Variants in NBAS observed in about 807,000 individuals in gnomAD.
NBAS encodes the protein NAG/BC035112 fusion.
Under a neutral mutation model 302.5 loss-of-function variants are expected in NBAS, and 219 were observed. That is an observed-to-expected ratio of 0.72 (90% CI 0.65 to 0.81). The LOEUF (loss-of-function observed/expected upper bound fraction) is 0.81. Ranked by LOEUF, NBAS falls within the 30% of genes least tolerant of loss-of-function variation. The probability of loss-of-function intolerance (pLI) is 0.00; values close to 1 mark genes in which losing one functional copy is unlikely to be tolerated. For missense variants in NBAS, 2,932 were observed against 2,841.6 expected (o/e 1.03, Z -0.72); for synonymous variants, 1,118 against 1,021.6 (o/e 1.09, Z -1.80).
At chr2:14,881,309 G>C in the NBAS span, among the ~76,000 whole-genome samples, 1 of 152,030 alleles carries the variant, frequency 6.6e-6, no homozygotes, top group Middle Eastern at 3.2e-3. Context: ...CTTAACTATG[G>C]GTACACATAG....
At chr2:15,133,547 T>C in the NBAS span, among the ~76,000 whole-genome samples, 1 of 152,070 alleles carries the variant, frequency 6.6e-6, no homozygotes, top group African/African-American at 2.4e-5. Context: ...TCCAGTAGCT[T>C]TGGAAGATAA....
the NBAS span, among the ~76,000 whole-genome samples, chr2:15,068,958 G>A: frequency 1.3e-5 from 2 of 152,136 alleles, no homozygotes; most frequent in Non-Finnish European, 1.5e-5. Context: ...ACAGAGTCCC[G>A]AGGCAGCGCA....
the NBAS span, among the ~76,000 whole-genome samples, chr2:14,780,887 T>A: frequency 1.3e-5 from 2 of 152,204 alleles, no homozygotes; most frequent in Non-Finnish European, 1.5e-5. Context: ...GGTCACAAAT[T>A]TTTATTTGCA....
intron 35 of NBAS, among the ~76,000 whole-genome samples, chr2:15,333,563 G>A (rs563276290): frequency 6.6e-6 from 1 of 152,206 alleles, no homozygotes; most frequent in African/African-American, 2.4e-5. Context: ...TTGAGGTAGT[G>A]ACACTGGAAA....
chr2:15,396,380 A>G (rs367978552), intron 27 of NBAS, 33 bp downstream of exon 27: 80 of 1,548,546 alleles, frequency 5.2e-5, no homozygotes, highest in Non-Finnish European at 6.4e-5. Flanking sequence ...CTTAATAAGC[A>G]TGGAGAAAAA....
At chr2:14,864,917 A>C in the NBAS span, among the ~76,000 whole-genome samples, 1 of 152,306 alleles carries the variant, frequency 6.6e-6, no homozygotes, top group South Asian at 2.1e-4. Context: ...ATAGTGTACA[A>C]TTGTTGTCAT....
chr2:15,468,768 G>T (rs573674631), intron 16 of NBAS, among the ~76,000 whole-genome samples: 115 of 152,304 alleles, frequency 7.6e-4, no homozygotes, highest in African/African-American at 2.7e-3. Context: ...AATGAGCTAC[G>T]CAGAAACAGA....
intron 35 of NBAS, among the ~76,000 whole-genome samples, chr2:15,351,390 C>T (rs573728903): frequency 3.3e-5 from 5 of 152,046 alleles, no homozygotes; most frequent in African/African-American, 9.7e-5. Context: ...GAATGAAATA[C>T]GGAAGGCCAG....
the NBAS span, among the ~76,000 whole-genome samples, chr2:14,791,179 C>T: frequency 1.3e-5 from 2 of 151,898 alleles, no homozygotes; most frequent in East Asian, 3.9e-4. Flanking sequence ...TCAGTAGAGA[C>T]AGTGTTTCTC....
chr2:15,067,502 AGT>A, the NBAS span, among the ~76,000 whole-genome samples: 1 of 148,256 alleles, frequency 6.7e-6, no homozygotes, highest in Non-Finnish European at 1.5e-5. Context: ...AAAGAAAGAG[AGT>A]AAGAAAGGAA....
chr2:15,232,649 A>G, intron 46 of NBAS, 138 bp from the exon 47 acceptor site: 1 of 734,374 alleles, frequency 1.4e-6, no homozygotes, highest in Non-Finnish European at 2.3e-6. Flanking sequence ...GTGCTATGTG[A>G]TGTCTACAAA....
At chr2:15,445,473 G>C (rs919576333) in intron 21 of NBAS, among the ~76,000 whole-genome samples, 3 of 139,740 alleles carry the variant, frequency 2.1e-5, no homozygotes, top group African/African-American at 8.1e-5. Context: ...CATGGACACA[G>C]GAAGGGGAAC....
At chr2:15,172,726 G>A (rs776264530) in intron 51 of NBAS, among the ~76,000 whole-genome samples, 3 of 152,160 alleles carry the variant, frequency 2.0e-5, no homozygotes, top group Non-Finnish European at 4.4e-5. Flanking sequence ...TTTTGGATGC[G>A]GTTTGGATGT....
intron 21 of NBAS, among the ~76,000 whole-genome samples, chr2:15,445,518 G>T (rs190013967): frequency 1.3e-4 from 14 of 110,164 alleles, no homozygotes; most frequent in East Asian, 3.4e-4. Flanking sequence ...GGTGGGGGGA[G>T]GGGGGAGGGA....
chr2:15,103,292 T>A, the NBAS span, among the ~76,000 whole-genome samples: 52 of 152,144 alleles, frequency 3.4e-4, no homozygotes, highest in Admixed American at 3.4e-3. Flanking sequence ...TTTACTGATA[T>A]CTCACCTAAA....
chr2:14,796,919 CAAAAA>C, the NBAS span, among the ~76,000 whole-genome samples: 28 of 86,478 alleles, frequency 3.2e-4, 1 homozygote, highest in African/African-American at 1.0e-3. Context: ...CTAAAAAATA[CAAAAA>C]AAAAAAAAAA....
At chr2:15,012,324 G>T in the NBAS span, among the ~76,000 whole-genome samples, 1 of 151,916 alleles carries the variant, frequency 6.6e-6, no homozygotes, top group Non-Finnish European at 1.5e-5. Context: ...AAAAGAAAAG[G>T]CCTCTTGAAA....
At chr2:14,786,161 G>A in the NBAS span, among the ~76,000 whole-genome samples, 5 of 152,058 alleles carry the variant, frequency 3.3e-5, no homozygotes, top group African/African-American at 1.2e-4. Context: ...TGGGATTGGT[G>A]GTGATATCCC....
chr2:15,461,141 A>G, intron 21 of NBAS, 60 bp downstream of exon 21: 1 of 1,462,326 alleles, frequency 6.8e-7, no homozygotes, highest in Non-Finnish European at 9.5e-7. Flanking sequence ...GGTGTTCAGC[A>G]TGACAAAAAA....
Sources: allele counts gnomAD v4.1 joint callset (sites outside exome capture counted in the v4.1 genomes callset), GRCh38; gene constraint gnomAD v4.1.1; transcripts MANE v1.5; gene names NCBI Gene and HGNC (gene_info 2026-07-23, HGNC 2026-07-21).